Variants in EXOC4 observed in about 807,000 individuals in gnomAD.
EXOC4 encodes SEC8-like 1.
In EXOC4, 71 loss-of-function variants were observed where a neutral mutation model predicts 107.2. That is an observed-to-expected ratio of 0.66 (90% confidence interval 0.55 to 0.81). The LOEUF is 0.81. Among genes scored for constraint, EXOC4 ranks in the 30% least tolerant of loss-of-function variants. The pLI is 0.00. For synonymous variants in EXOC4, 456 were observed against 441.2 expected (o/e 1.03, Z -0.42); for missense variants, 1,108 against 1,189.6 (o/e 0.93, Z 1.01).
In EXOC4 at chr7:133,861,057, AAAC is replaced by A. The variant is rs566949468; in HGVS notation, c.1735-34538_1735-34536del. 1.4e-4 allele frequency among the ~76,000 whole-genome samples: 21 copies of A among 152,308 alleles called. No homozygotes were observed. The South Asian group carries it at 3.9e-3, about 29-fold the overall frequency. ...TGACTCAGCTGCCACCTCCTTAACA[AAAC>A]AACCTCATCAGCTGAAAGTAACTAA... On this transcript the variant is annotated intron_variant, in intron 11 of 17. Coordinates refer to ENST00000253861, the MANE Select transcript of EXOC4 (RefSeq NM_021807.4).
Position 133,402,489 on chromosome 7 carries a change from G to A in EXOC4, c.1182+27487G>A, listed in dbSNP as rs62472374. On this transcript the variant is annotated intron_variant, in intron 7 of 17. Transcript: ENST00000253861. ...TCTTGGGTGGGACTAGAGAATTTGC[G>A]TTTCATTCATTCATTTATTTATTTT... 5.6e-3 allele frequency among the ~76,000 whole-genome samples: 855 copies of A among 152,180 alleles called. 5 individuals carry two copies. Among genetic ancestry groups the A allele is most frequent in the Non-Finnish European group, 7.7e-3 (523 of 67,994 alleles).
In EXOC4 at chr7:133,659,000, CTTTTTTTTTTT is replaced by C. The variant is rs397890140; in HGVS notation, c.1514+28878_1514+28888del. ...TGATTTGGTGAAGACTTCAGAGAAGCTTTTTTTTTTTTTTTTTTTTTTTTTTTTTGTGGTTC... is the reference window on the plus strand; with the variant it reads ...TGATTTGGTGAAGACTTCAGAGAAGCTTTTTTTTTTTTTTTTTTGTGGTTC... On this transcript the variant is annotated intron_variant, in intron 10 of 17. Transcript: ENST00000253861. Among the ~76,000 whole-genome samples the C allele has an allele frequency of 5.2e-3, 207 of 40,150 alleles. 1 individual carries two copies. Among genetic ancestry groups the C allele is most frequent in the Middle Eastern group, 0.028 (1 of 36 alleles). The allele number at this position is 40,150 out of a possible 152,430, so 26.3% of individuals were successfully genotyped here. A position where few individuals can be genotyped will look rare whatever the true frequency, so the allele number is the denominator to read the frequency against.
intron 13 of EXOC4, among the ~76,000 whole-genome samples, chr7:133,931,202 G>A (rs1800167244): frequency 6.6e-6 from 1 of 152,058 alleles, no homozygotes; most frequent in African/African-American, 2.4e-5. Context: ...GATATCAAAG[G>A]CATAAGGTTA....
At chr7:133,977,564 TAG>T (rs1793867779) in intron 14 of EXOC4, among the ~76,000 whole-genome samples, 1 of 152,212 alleles carries the variant, frequency 6.6e-6, no homozygotes, top group African/African-American at 2.4e-5. Context: ...GGCTCACAGC[TAG>T]AGAGTGGAGT....
chr7:133,775,394 C>G (rs1323438308), intron 10 of EXOC4, among the ~76,000 whole-genome samples: 1 of 152,186 alleles, frequency 6.6e-6, no homozygotes, highest in Non-Finnish European at 1.5e-5. Flanking sequence ...TTTAAGCAGT[C>G]AGTTTGACAA....
intron 9 of EXOC4, among the ~76,000 whole-genome samples, chr7:133,571,819 C>T (rs147924471): frequency 3.9e-5 from 6 of 152,222 alleles, no homozygotes; most frequent in East Asian, 3.9e-4. Flanking sequence ...GGGGTCCTGA[C>T]GTGGTGAAAG....
chr7:133,834,331 C>T (rs1797872743), intron 11 of EXOC4, among the ~76,000 whole-genome samples: 1 of 152,112 alleles, frequency 6.6e-6, no homozygotes, highest in Non-Finnish European at 1.5e-5. Flanking sequence ...TTACAGACAC[C>T]CCTTCCCCTT....
chr7:133,943,501 T>C (rs1011748293), intron 14 of EXOC4, among the ~76,000 whole-genome samples: 5 of 152,180 alleles, frequency 3.3e-5, no homozygotes, highest in African/African-American at 1.2e-4. Context: ...ATTACAGCAG[T>C]GGAATGTTTC....
chr7:133,450,954 C>G (rs181561273), intron 7 of EXOC4, among the ~76,000 whole-genome samples: 1 of 152,212 alleles, frequency 6.6e-6, no homozygotes, highest in African/African-American at 2.4e-5. Flanking sequence ...ATGGTGAGTT[C>G]GGGAGGGCCA....
At chr7:133,576,765 ACTGTGAGG>A (rs1282101676) in intron 9 of EXOC4, 1 of 1,289,450 alleles carries the variant, frequency 7.8e-7, no homozygotes, top group Non-Finnish European at 1.0e-6. Flanking sequence ...TGGAGAGGTA[ACTGTGAGG>A]CTTTTACACC....
intron 9 of EXOC4, among the ~76,000 whole-genome samples, chr7:133,565,074 T>A (rs1416232109): frequency 6.6e-6 from 1 of 152,156 alleles, no homozygotes; most frequent in African/African-American, 2.4e-5. Context: ...AGAATCCCAA[T>A]TAGTGACCTT....
At chr7:133,941,873 T>C (rs993894886) in intron 14 of EXOC4, among the ~76,000 whole-genome samples, 3 of 122,192 alleles carry the variant, frequency 2.5e-5, no homozygotes, top group Middle Eastern at 4.5e-3. Flanking sequence ...TCTACATGTT[T>C]TCCTGCATTC....
chr7:134,035,154 T>TCCTG (rs1263769745), intron 17 of EXOC4, among the ~76,000 whole-genome samples: 1 of 151,196 alleles, frequency 6.6e-6, no homozygotes, highest in Non-Finnish European at 1.5e-5. Flanking sequence ...CAAGCCATTC[T>TCCTG]CCTGCCTCAG....
intron 14 of EXOC4, among the ~76,000 whole-genome samples, chr7:133,960,279 A>G (rs903833030): frequency 2.6e-5 from 4 of 152,184 alleles, no homozygotes; most frequent in Non-Finnish European, 4.4e-5. Context: ...TTTAGCATCT[A>G]TGTTCATCAA....
At chr7:133,619,270 A>G (rs1802269856) in intron 9 of EXOC4, among the ~76,000 whole-genome samples, 1 of 152,218 alleles carries the variant, frequency 6.6e-6, no homozygotes, top group Admixed American at 6.5e-5. Flanking sequence ...GGCTTCTCTT[A>G]GTCATTTTGA....
At chr7:133,680,349 A>AATATCT (rs1794159797) in intron 10 of EXOC4, among the ~76,000 whole-genome samples, 1 of 152,204 alleles carries the variant, frequency 6.6e-6, no homozygotes, top group African/African-American at 2.4e-5. Context: ...TTAACACTTA[A>AATATCT]AAATATCTAA....
At chr7:133,493,075 T>C (rs905281789) in intron 9 of EXOC4, among the ~76,000 whole-genome samples, 1 of 152,168 alleles carries the variant, frequency 6.6e-6, no homozygotes, top group African/African-American at 2.4e-5. Context: ...ATAATATACC[T>C]AACCTCATAG....
At chr7:133,830,252 C>T (rs1014474120) in intron 11 of EXOC4, among the ~76,000 whole-genome samples, 4 of 152,202 alleles carry the variant, frequency 2.6e-5, no homozygotes, top group African/African-American at 9.6e-5. Context: ...AAGGTCAAGG[C>T]TGCCTATCAG....
intron 10 of EXOC4, among the ~76,000 whole-genome samples, chr7:133,680,369 T>C (rs560256471): frequency 6.6e-6 from 1 of 152,312 alleles, no homozygotes; most frequent in East Asian, 1.9e-4. Flanking sequence ...AAATAAAGAA[T>C]ATAACACATT....
Sources: gnomAD v4.1 joint callset for allele counts (sites outside exome capture counted in the v4.1 genomes callset) on GRCh38, gnomAD v4.1.1 for gene constraint, MANE v1.5 for transcripts, NCBI Gene and HGNC (gene_info 2026-07-23, HGNC 2026-07-21) for gene names.